The following LDHB variants were observed in gnomAD, a reference collection of about 807,000 sequenced individuals.
LDHB encodes the protein lactate dehydrogenase B, also known as L-lactate dehydrogenase B chain.
Under a neutral mutation model 33.4 loss-of-function variants are expected in LDHB, and 18 were observed. The observed-to-expected ratio is 0.54, with a 90% CI of 0.37 to 0.80. LDHB has a LOEUF of 0.80. LDHB is among the 30% of genes least tolerant of loss of function. The probability of loss-of-function intolerance (pLI) is 0.00; values close to 1 mark genes in which losing one functional copy is unlikely to be tolerated. For synonymous variants in LDHB, 121 were observed against 140.6 expected (o/e 0.86, Z 0.98); for missense variants, 345 against 407.9 (o/e 0.85, Z 1.33).
chr12:21,643,599 G>C (rs1938431431), intron 4 of LDHB: 1 of 262,802 alleles, frequency 3.8e-6, no homozygotes, highest in Admixed American at 4.9e-5. Context: ...ATGTCAAAAT[G>C]TTTCTTACAA....
intron 1 of LDHB, 62 bp from the exon 2 acceptor site, chr12:21,654,739 T>C (rs889612702): frequency 7.1e-7 from 1 of 1,405,438 alleles, no homozygotes; most frequent in Non-Finnish European, 1.0e-6. Flanking sequence ...ATAGAAATCA[T>C]CCTTAAAATG....
At chr12:21,651,915 C>G (rs899039769) in intron 2 of LDHB, among the ~76,000 whole-genome samples, 1 of 152,122 alleles carries the variant, frequency 6.6e-6, no homozygotes, top group Non-Finnish European at 1.5e-5. Flanking sequence ...AAAATGTACT[C>G]CATTTTGCAA....
intron 2 of LDHB, among the ~76,000 whole-genome samples, chr12:21,653,856 C>T (rs1425859729): frequency 6.6e-6 from 1 of 152,102 alleles, no homozygotes; most frequent in African/African-American, 2.4e-5. Context: ...CCTCACAAAG[C>T]CATGCATGGC....
chr12:21,656,473 T>C (rs539758466), intron 1 of LDHB, among the ~76,000 whole-genome samples: 1 of 152,344 alleles, frequency 6.6e-6, no homozygotes, highest in African/African-American at 2.4e-5. Context: ...ATAGTTGTTC[T>C]GCACTTAAGT....
Position 21,657,743 on chromosome 12 carries a change from A to T in LDHB, c.-7+8T>A, listed in dbSNP as rs1938901319. On this transcript the variant is annotated splice_region_variant and intron_variant, in intron 1 of 7. Transcript: ENST00000350669. ...GGCCAGGATTCAGGGTCCTGAGCCG[A>T]AACCTACCAGGAGAGAGAAGGCTCT... 6.6e-6 allele frequency: 1 copy of T among 152,366 alleles called. No individual in the cohort carries two copies. Among genetic ancestry groups the T allele is most frequent in the South Asian group, 2.1e-4 (1 of 4,834 alleles). 9.4% of individuals were successfully genotyped at this position (152,366 alleles called of 1,614,324 possible). A position where few individuals can be genotyped will look rare whatever the true frequency, so the allele number is the denominator to read the frequency against.
chr12:21,636,218 T>G (rs1239785247), intron 7 of LDHB, among the ~76,000 whole-genome samples: 1 of 152,054 alleles, frequency 6.6e-6, no homozygotes, highest in Non-Finnish European at 1.5e-5. Flanking sequence ...TTACTTTCTA[T>G]GAAATTTTAA....
chr12:21,644,225 T>G, intron 3 of LDHB, 117 bp from the exon 4 acceptor site: 1 of 724,844 alleles, frequency 1.4e-6, no homozygotes, highest in Non-Finnish European at 2.3e-6. Context: ...TATATGTGAA[T>G]TAAGTTTTCT....
At chr12:21,642,230 A>C in intron 4 of LDHB, 105 bp from the exon 5 acceptor site, 1 of 759,332 alleles carries the variant, frequency 1.3e-6, no homozygotes, top group Non-Finnish European at 2.4e-6. Context: ...CCACTCCCCA[A>C]ATGAGATGTG....
rs113349309 is a variant in LDHB at position 21,648,850 on chromosome 12, T to A, written c.130-1834A>T. 9.0e-3 allele frequency among the ~76,000 whole-genome samples: 1,365 copies of A among 152,336 alleles called. 19 individuals carry two copies. Among genetic ancestry groups the A allele is most frequent in the African/African-American group, 0.031 (1,301 of 41,572 alleles). ...TGAAGCTTCCCGATGACTGAATGTGTCCTTAGCTCTGAGCAACCAAATTAC... is the reference window on the plus strand; with the variant it reads ...TGAAGCTTCCCGATGACTGAATGTGACCTTAGCTCTGAGCAACCAAATTAC... On this transcript the variant is annotated intron_variant, in intron 2 of 7. Transcript: ENST00000350669.
At chr12:21,645,879 G>A (rs1024194214) in intron 3 of LDHB, among the ~76,000 whole-genome samples, 2 of 152,012 alleles carry the variant, frequency 1.3e-5, no homozygotes, top group African/African-American at 2.4e-5. Flanking sequence ...CCAGTCTCTC[G>A]TTCCACCCGA....
chr12:21,650,074 A>G (rs1938637687), intron 2 of LDHB, among the ~76,000 whole-genome samples: 1 of 138,864 alleles, frequency 7.2e-6, no homozygotes, highest in African/African-American at 2.7e-5. Flanking sequence ...CCTGGGTGAC[A>G]GTAAGACTCT....
chr12:21,635,817 T>G (rs1027877092), intron 7 of LDHB, 108 bp from the exon 8 acceptor site: 1 of 933,656 alleles, frequency 1.1e-6, no homozygotes, highest in Non-Finnish European at 1.7e-6. Context: ...AGTTTGAAGC[T>G]TCAGTGAGCT....
At chr12:21,652,823 G>A (rs575435793) in intron 2 of LDHB, among the ~76,000 whole-genome samples, 2 of 152,296 alleles carry the variant, frequency 1.3e-5, no homozygotes, top group South Asian at 4.2e-4. Context: ...CTAGCTAGAA[G>A]CAAATGCAAA....
At position 21,653,042 on chromosome 12, in the gene LDHB, A is replaced by G. The variant is rs148841215; in HGVS notation, c.129+1501T>C. Among the ~76,000 whole-genome samples, 1,096 of 152,286 alleles carry G rather than the reference A, an allele frequency of 7.2e-3. 6 individuals are homozygous for G. The highest frequency in any genetic ancestry group is 0.01 in the Non-Finnish European group (714 of 68,022). On this transcript the variant is annotated intron_variant, in intron 2 of 7. Coordinates refer to ENST00000350669, the MANE Select transcript of LDHB (RefSeq NM_002300.8). ...AGGCAGCATTTTTGTTGTTGTTTCT[A>G]CATTTAAGGCAGCCATCAGAAGAAA...
chr12:21,652,890 G>A (rs781170695), intron 2 of LDHB, among the ~76,000 whole-genome samples: 39 of 152,186 alleles, frequency 2.6e-4, no homozygotes, highest in South Asian at 6.2e-4. Context: ...TTTGATAACT[G>A]TTTCTTAGTA....
intron 5 of LDHB, among the ~76,000 whole-genome samples, chr12:21,640,381 C>T (rs1481577958): frequency 2.6e-5 from 4 of 151,712 alleles, no homozygotes; most frequent in Non-Finnish European, 5.9e-5. Context: ...TAATGTTGCT[C>T]TTTTTGAATT....
chr12:21,645,569 G>A (rs545249454), intron 3 of LDHB, among the ~76,000 whole-genome samples: 104 of 152,290 alleles, frequency 6.8e-4, no homozygotes, highest in African/African-American at 2.5e-3. Flanking sequence ...CATGCTGGCA[G>A]CAATACTGCC....
Position 21,642,066 on chromosome 12 carries a change from C to T in LDHB, c.481G>A (p.Gly161Arg). The T allele has an allele frequency of 1.2e-6, 2 of 1,613,488 alleles. No homozygotes were observed. Among genetic ancestry groups the T allele is most frequent in the Admixed American group, 1.7e-5 (1 of 59,958 alleles). ...LSGLPKHRVI[G>R]SGCNLDSARF... The stretch of plus-strand genomic sequence containing the variant: ...GCAGAATCCAGATTACATCCACTTC[C>T]AATCACGCGGTGTTTGGGTAATCCA... The change falls in exon 5 of 8, where the codon GGA becomes AGA. Residue 161 changes from glycine (G) to arginine (R), a missense_variant. Physicochemically the swap from Gly to Arg is moderately radical, Grantham distance 125 (BLOSUM62 -2). Transcript: ENST00000350669.
intron 5 of LDHB, among the ~76,000 whole-genome samples, chr12:21,638,702 C>T (rs193302506): frequency 5.3e-4 from 80 of 152,028 alleles, no homozygotes; most frequent in African/African-American, 1.9e-3. Flanking sequence ...TAGTGCAAAG[C>T]AGAATTGCTG....
Sources: allele counts gnomAD v4.1 joint callset (sites outside exome capture counted in the v4.1 genomes callset), GRCh38; gene constraint gnomAD v4.1.1; transcripts MANE v1.5; gene names NCBI Gene and HGNC (gene_info 2026-07-23, HGNC 2026-07-21).